The following ADAM15 variants were observed in gnomAD, a reference collection of about 807,000 sequenced individuals.
ADAM15 encodes the protein ADAM metallopeptidase domain 15.
A neutral mutation model predicts 113.8 loss-of-function variants in ADAM15; 77 were observed. The observed-to-expected ratio is 0.68, with a 90% CI of 0.56 to 0.82. The LOEUF (loss-of-function observed/expected upper bound fraction) is 0.82. Among genes scored for constraint, ADAM15 ranks in the 40% least tolerant of loss-of-function variants. ADAM15 has a pLI of 0.00. For missense variants in ADAM15, 963 were observed against 1,120.1 expected (o/e 0.86, Z 2.00); for synonymous variants, 388 against 454.1 (o/e 0.85, Z 1.85).
In ADAM15 at chr1:155,059,958, C is replaced by T. The variant is rs114245650; in HGVS notation, c.2052C>T (p.Cys684=). 1.2e-4 allele frequency: 190 copies of T among 1,614,076 alleles called. 1 individual carries two copies. In the East Asian group the frequency reaches 4.0e-3, roughly 34 times the overall value. The part of the protein sequence containing the change: ...YCEEGWAPPD[C]TTQLKATSSL... ...AGGAGGGCTGGGCACCCCCTGACTG[C>T]ACCACTCAGCTCAAAGGTAGCATGG... The change falls in exon 17 of 23, where the codon TGC becomes TGT. Residue 684 remains cysteine (C), a synonymous_variant. Transcript: ENST00000356955.
Position 155,060,360 on chromosome 1 carries a change from C to G in ADAM15, c.2207+17C>G, listed in dbSNP as rs748061451. 1 of 1,612,272 alleles carries G rather than the reference C, an allele frequency of 6.2e-7. No individual in the cohort carries two copies. Among genetic ancestry groups the G allele is most frequent in the South Asian group, 1.1e-5 (1 of 91,040 alleles). On this transcript the variant is annotated intron_variant, in intron 18 of 22. Transcript: ENST00000356955. ...CCAGTACAGGTATGAGCATCACCTC[C>G]CTGCTACCACTTCCTTCAACTGGGG...
intron 19 of ADAM15, 190 bp from the exon 20 acceptor site, chr1:155,061,225 G>A (rs1662548464): frequency 1.7e-6 from 1 of 589,554 alleles, no homozygotes; most frequent in Non-Finnish European, 3.0e-6. Flanking sequence ...CCTCTGCTTG[G>A]ATGATGGGAG....
chr1:155,061,633 A>T, intron 20 of ADAM15, 144 bp downstream of exon 20: 3 of 953,368 alleles, frequency 3.1e-6, no homozygotes, highest in Non-Finnish European at 4.6e-6. Context: ...TCTGAGCCCC[A>T]GAAGCAGCAA....
chr1:155,056,335 C>T lies in ADAM15; in HGVS notation c.915-51C>T, dbSNP rs1661759244. The T allele has an allele frequency of 1.9e-6, 3 of 1,611,368 alleles. No individual in the cohort carries two copies. The highest frequency in any genetic ancestry group is 1.3e-5 in the African/African-American group (1 of 75,018). Reference sequence around the variant, plus strand: ...CAGCACCCTACCTCAGCCCCTGAAGCTCTGACCACCGTGGCTTCTGGCCCT... The same window carrying T: ...CAGCACCCTACCTCAGCCCCTGAAGTTCTGACCACCGTGGCTTCTGGCCCT... On this transcript the variant is annotated intron_variant, in intron 9 of 22. Transcript: ENST00000356955. This position sits in a 1 kb window ranked among gnomAD's most constrained non-coding sequence, Gnocchi z 4.0.
At chr1:155,053,110 C>G (rs1360312460) in intron 2 of ADAM15, among the ~76,000 whole-genome samples, 2 of 103,338 alleles carry the variant, frequency 1.9e-5, no homozygotes, top group Non-Finnish European at 3.7e-5. Flanking sequence ...TTACCAAACC[C>G]CCCCCCCCCC....
At position 155,056,529 on chromosome 1, in the gene ADAM15, C is replaced by A; in HGVS notation, c.999+59C>A. ...ATTCAGTTCCTCCCAAGTGTGGTGGCATTTATGCACTGAAACCCCCCTATA... is the reference window on the plus strand; with the variant it reads ...ATTCAGTTCCTCCCAAGTGTGGTGGAATTTATGCACTGAAACCCCCCTATA... On this transcript the variant is annotated intron_variant, in intron 10 of 22. Transcript: ENST00000356955. This position sits in a 1 kb window ranked among gnomAD's most constrained non-coding sequence, Gnocchi z 4.0. The A allele has an allele frequency of 6.5e-7, 1 of 1,530,266 alleles. No homozygotes were observed. Among genetic ancestry groups the A allele is most frequent in the Non-Finnish European group, 9.0e-7 (1 of 1,109,252 alleles). 94.8% of individuals were successfully genotyped at this position (1,530,266 alleles called of 1,614,324 possible).
intron 20 of ADAM15, chr1:155,061,703 T>A (rs975826478): frequency 3.9e-6 from 3 of 771,590 alleles, no homozygotes; most frequent in Admixed American, 2.9e-5. Context: ...GGGACTGCAG[T>A]CGGCCAGGGA....
At chr1:155,060,078 C>T in intron 17 of ADAM15, 104 bp downstream of exon 17, 1 of 1,571,774 alleles carries the variant, frequency 6.4e-7, no homozygotes, top group South Asian at 1.1e-5. Flanking sequence ...GCTGCTGGTT[C>T]CCTGAGTCTG....
At position 155,054,526 on chromosome 1, in the gene ADAM15, G is replaced by T; in HGVS notation, c.612+20G>T. On this transcript the variant is annotated intron_variant, in intron 6 of 22. Coordinates refer to ENST00000356955, the MANE Select transcript of ADAM15 (RefSeq NM_207197.3). ...CGCCGGGTGAGGATGAATGGCAGGGGGGTGGGCTTTGGTTGTCTTGAGGGC... is the reference window on the plus strand; with the variant it reads ...CGCCGGGTGAGGATGAATGGCAGGGTGGTGGGCTTTGGTTGTCTTGAGGGC... 6.5e-7 allele frequency: 1 copy of T among 1,545,232 alleles called. No individual in the cohort carries two copies. Among genetic ancestry groups the T allele is most frequent in the African/African-American group, 1.4e-5 (1 of 72,612 alleles).
chr1:155,061,577 G>T (rs981559816), intron 20 of ADAM15, 88 bp downstream of exon 20: 6 of 1,398,480 alleles, frequency 4.3e-6, no homozygotes, highest in Non-Finnish European at 5.9e-6. Context: ...CCCTGCCAGT[G>T]GTGCTCTTCA....
chr1:155,058,576 G>A lies in ADAM15; in HGVS notation c.1918-134G>A. 6.4e-7 allele frequency: 1 copy of A among 1,550,576 alleles called. No individual in the cohort carries two copies. Among genetic ancestry groups the A allele is most frequent in the Non-Finnish European group, 8.7e-7 (1 of 1,148,466 alleles). Reference sequence around the variant, plus strand: ...AAGTCAGTTTCTTACTTCAGATGGAGCAAAGTCCTATCAACTCACTATGCC... The same window carrying A: ...AAGTCAGTTTCTTACTTCAGATGGAACAAAGTCCTATCAACTCACTATGCC... On this transcript the variant is annotated intron_variant, in intron 15 of 22. Transcript: ENST00000356955. This position sits in a 1 kb window ranked among gnomAD's most constrained non-coding sequence, Gnocchi z 4.3.
At chr1:155,060,719 T>C (rs1322892731) in intron 18 of ADAM15, 44 bp from the exon 19 acceptor site, 1 of 1,583,674 alleles carries the variant, frequency 6.3e-7, no homozygotes, top group African/African-American at 1.4e-5. Context: ...GAAAACAGGG[T>C]CTGAGGCTGG....
rs770536766 is a variant in ADAM15, at chr1:155,057,671, G to T, written c.1358G>T (p.Cys453Phe). The change falls in exon 13 of 23, where the codon TGC (cysteine) becomes TTC (phenylalanine). Residue 453 changes from cysteine to phenylalanine, a missense_variant. Cys to Phe is a radical substitution (Grantham distance 205). Transcript: ENST00000356955. The surrounding 1 kb of genome is among the most constrained non-coding windows in gnomAD (Gnocchi z 5.0). ...GATCCCTGCTGTGATTCTTTGACCT[G>T]CCAGCTGAGGCCAGGTGCACAGTGT... ...CVDPCCDSLTCQLRPGAQCAS... is the reference protein window; with the variant it reads ...CVDPCCDSLTFQLRPGAQCAS... The T allele has an allele frequency of 5.6e-6, 9 of 1,614,184 alleles. No homozygotes were observed. Among genetic ancestry groups the T allele is most frequent in the Non-Finnish European group, 7.6e-6 (9 of 1,180,038 alleles).
Position 155,057,876 on chromosome 1 carries a change from G to A in ADAM15, c.1442G>A (p.Arg481His), listed in dbSNP as rs202049961. Residue 481 changes from arginine (R) to histidine (H), a missense_variant, in exon 14 of 23, where the codon CGT becomes CAT. Arg to His is a conservative substitution (Grantham distance 29). Transcript: ENST00000356955. The surrounding 1 kb of genome is among the most constrained non-coding windows in gnomAD (Gnocchi z 5.0). ...CQLRPSGWQC[R>H]PTRGDCDLPE... ...CTGCGCCCGTCTGGCTGGCAGTGTC[G>A]TCCTACCAGAGGGGATTGTGACTTG... 50 of 1,613,142 alleles carry A rather than the reference G, an allele frequency of 3.1e-5. 1 individual carries two copies. Among genetic ancestry groups the A allele is most frequent in the East Asian group, 4.5e-5 (2 of 44,892 alleles).
rs1279810933 is a variant in ADAM15 at position 155,055,820 on chromosome 1, G to C, written c.643G>C (p.Val215Leu). The C allele has an allele frequency of 1.9e-6, 3 of 1,614,110 alleles. No homozygotes were observed. The African/African-American group carries it at 4.0e-5, about 22-fold the overall frequency. ...GGATGTGGTAACAGAGACCAAGACTGTGGAGTTGGTGATTGTGGCTGATCA... is the reference window on the plus strand; with the variant it reads ...GGATGTGGTAACAGAGACCAAGACTCTGGAGTTGGTGATTGTGGCTGATCA... ...RRDVVTETKT[V>L]ELVIVADHSE... Residue 215 changes from valine (V) to leucine (L), a missense_variant, in exon 7 of 23, where the codon GTG becomes CTG. By Grantham distance (32) the Val-to-Leu change is conservative. Transcript: ENST00000356955.
intron 20 of ADAM15, 171 bp downstream of exon 20, chr1:155,061,660 C>T: frequency 1.2e-6 from 1 of 846,810 alleles, no homozygotes; most frequent in Non-Finnish European, 1.8e-6. Context: ...AGCCTCCTGC[C>T]TTGGTTTCTA....
At chr1:155,060,059 C>T (rs1317112879) in intron 17 of ADAM15, 85 bp downstream of exon 17, 1 of 1,574,932 alleles carries the variant, frequency 6.3e-7, no homozygotes, top group Non-Finnish European at 8.7e-7. Flanking sequence ...CTCTTTCTGA[C>T]CCCCCTTTGC....
rs193116209 is a variant in ADAM15 at position 155,051,320 on chromosome 1, C to T, written c.-67C>T. 1,409 of 1,254,010 alleles carry T rather than the reference C, an allele frequency of 1.1e-3. 9 individuals are homozygous for T. The African/African-American group carries it at 0.021, about 19-fold the overall frequency. 77.7% of individuals were successfully genotyped at this position (1,254,010 alleles called of 1,614,324 possible). On this transcript the variant is annotated 5_prime_UTR_variant, in exon 1 of 23. Transcript: ENST00000356955. ...TGCTGGGTTCTCCGAGGCGACCTGG[C>T]CGCCGGCCGCTCCTCCGCGCGCTGT... is the stretch of plus-strand genomic sequence containing the variant.
In ADAM15 at chr1:155,060,656, C is replaced by G. The variant is rs542555366; in HGVS notation, c.2208-107C>G. ...CGGCCCTACCACAATTTTACCTAAACCACACATAAGTGCCTGCAAAGGGTT... is the reference window on the plus strand; with the variant it reads ...CGGCCCTACCACAATTTTACCTAAAGCACACATAAGTGCCTGCAAAGGGTT... On this transcript the variant is annotated intron_variant, in intron 18 of 22. Coordinates refer to ENST00000356955, the MANE Select transcript of ADAM15 (RefSeq NM_207197.3). The G allele has an allele frequency of 2.5e-5, 31 of 1,224,688 alleles. No individual in the cohort carries two copies. The African/African-American group carries it at 4.7e-4, about 18-fold the overall frequency. The allele number at this position is 1,224,688 out of a possible 1,614,324, so 75.9% of individuals were successfully genotyped here. A position where few individuals can be genotyped will look rare whatever the true frequency, so the allele number is the denominator to read the frequency against.
Sources: gnomAD v4.1 joint callset for allele counts (sites outside exome capture counted in the v4.1 genomes callset) on GRCh38, gnomAD v4.1.1 for gene constraint, Gnocchi (gnomAD v3.1) non-coding constraint, MANE v1.5 for transcripts, NCBI Gene and HGNC (gene_info 2026-07-23, HGNC 2026-07-21) for gene names.